The following CDH4 variants were observed in gnomAD, a reference collection of about 807,000 sequenced individuals.
CDH4 encodes cadherin-4.
CDH4 carries 33 observed loss-of-function variants against 86.0 expected under a neutral mutation model. The observed-to-expected ratio is 0.38, with a 90% CI of 0.29 to 0.51. The LOEUF (loss-of-function observed/expected upper bound fraction) is 0.51. Ranked by LOEUF, CDH4 falls within the 20% of genes least tolerant of loss-of-function variation. The pLI is 0.86. For synonymous variants in CDH4, 555 were observed against 549.4 expected (o/e 1.01, Z -0.14); for missense variants, 1,114 against 1,307.4 (o/e 0.85, Z 2.28).
rs201145739 is a variant in CDH4, at chr20:61,936,954, A to G, written c.*11A>G. On this transcript the variant is annotated 3_prime_UTR_variant, in exon 16 of 16. Coordinates refer to ENST00000614565, the MANE Select transcript of CDH4 (RefSeq NM_001794.5). The stretch of plus-strand genomic sequence containing the variant: ...GGTGAAGAGGATTGACTGACCTCGC[A>G]TCTTCGGACCGAAGTGAGAGCCGTG... The G allele has an allele frequency of 5.7e-4, 888 of 1,551,568 alleles. 6 individuals are homozygous for G. In the South Asian group the frequency reaches 7.7e-3, roughly 14 times the overall value.
At chr20:61,633,872 C>T (rs1252362897) in intron 2 of CDH4, among the ~76,000 whole-genome samples, 5 of 152,202 alleles carry the variant, frequency 3.3e-5, no homozygotes, top group Non-Finnish European at 5.9e-5. Context: ...GCTCTTTAAA[C>T]ACAGAGACAT....
chr20:61,526,284 G>A (rs988756432), intron 2 of CDH4, among the ~76,000 whole-genome samples: 2 of 152,064 alleles, frequency 1.3e-5, no homozygotes, highest in Non-Finnish European at 2.9e-5. Flanking sequence ...GTATGAGTCA[G>A]GATCCAAGGA....
rs141291111 is a variant in CDH4 at position 61,704,412 on chromosome 20, G to A, written c.170-39151G>A. ...TCAGGCAGCCTTGTGGGGCGCTCTC[G>A]TTAAAGCTGGAACCTGCTCTGGGTG... On this transcript the variant is annotated intron_variant, in intron 2 of 15. Transcript: ENST00000614565. 7.2e-4 allele frequency among the ~76,000 whole-genome samples: 109 copies of A among 152,294 alleles called. 2 individuals are homozygous for A. In the East Asian group the frequency reaches 0.019, roughly 26 times the overall value.
intron 6 of CDH4, among the ~76,000 whole-genome samples, chr20:61,869,848 G>A (rs929684446): frequency 1.3e-5 from 2 of 152,246 alleles, no homozygotes; most frequent in African/African-American, 4.8e-5. Flanking sequence ...TCCTTCAGGA[G>A]AGATCAGCTG....
At chr20:61,381,845 C>T (rs561412478) in intron 2 of CDH4, among the ~76,000 whole-genome samples, 1 of 152,226 alleles carries the variant, frequency 6.6e-6, no homozygotes, top group African/African-American at 2.4e-5. Context: ...AGAAGCTGGG[C>T]GGGTGGATCA....
rs536759252 is a variant in CDH4, at chr20:61,741,157, C to T, written c.170-2406C>T. ...CTGGGAGGCGGAGGTTGCAATGAGC[C>T]AAGACGGCACCACGGCACTCCAGCC... On this transcript the variant is annotated intron_variant, in intron 2 of 15. Transcript: ENST00000614565. Among the ~76,000 whole-genome samples the T allele has an allele frequency of 1.1e-4, 17 of 152,218 alleles. 1 individual carries two copies. The South Asian group carries it at 3.5e-3, about 32-fold the overall frequency.
intron 2 of CDH4, among the ~76,000 whole-genome samples, chr20:61,465,455 A>C (rs1234366327): frequency 6.6e-6 from 1 of 152,066 alleles, no homozygotes; most frequent in Non-Finnish European, 1.5e-5. Context: ...TACCCGTGAT[A>C]GTCAAGTTGT....
chr20:61,844,519 A>G (rs58706469), intron 4 of CDH4, 149 bp from the exon 5 acceptor site: 25,021 of 714,338 alleles, frequency 0.035, 825 homozygotes, highest in East Asian at 0.13. Context: ...TCCACTTCCC[A>G]AAGTGGATGA....
intron 4 of CDH4, among the ~76,000 whole-genome samples, chr20:61,797,545 C>T (rs1979596047): frequency 6.6e-6 from 1 of 152,190 alleles, no homozygotes; most frequent in Admixed American, 6.5e-5. Context: ...AATGCCAGTG[C>T]TTTGGGAGGC....
chr20:61,738,802 C>G (rs1328422239), intron 2 of CDH4: 1 of 152,378 alleles, frequency 6.6e-6, no homozygotes, highest in East Asian at 1.9e-4. Context: ...CGCTCCTCCT[C>G]TCACCACCTT....
At chr20:61,815,365 C>T (rs1473758393) in intron 4 of CDH4, among the ~76,000 whole-genome samples, 2 of 152,242 alleles carry the variant, frequency 1.3e-5, no homozygotes, top group Admixed American at 6.5e-5. Context: ...TTTGCCCAGG[C>T]TTAGTGGCCT....
chr20:61,743,720 A>G lies in CDH4; in HGVS notation c.327A>G (p.Thr109=). The change falls in exon 3 of 16, where the codon ACA becomes ACG. Residue 109 remains threonine (T), a synonymous_variant. Coordinates refer to ENST00000614565, the MANE Select transcript of CDH4 (RefSeq NM_001794.5). ...CGGTGACTGCATGGGACAGCCAGAC[A>G]GCAGAGAAATGGGACGCCGTGGTGC... ...AFTVTAWDSQ[T]AEKWDAVVRL... 1 of 1,611,494 alleles carries G rather than the reference A, an allele frequency of 6.2e-7. No individual in the cohort carries two copies. Among genetic ancestry groups the G allele is most frequent in the Non-Finnish European group, 8.5e-7 (1 of 1,179,150 alleles).
chr20:61,304,261 G>GTA (rs775974637), intron 2 of CDH4, among the ~76,000 whole-genome samples: 1 of 60,194 alleles, frequency 1.7e-5, no homozygotes, highest in Admixed American at 1.8e-4. Flanking sequence ...ATAGTGGACG[G>GTA]CACCCCCCCA....
At chr20:61,375,839 T>TCTTGGTGGTGGTGGC in intron 2 of CDH4, among the ~76,000 whole-genome samples, 1 of 151,376 alleles carries the variant, frequency 6.6e-6, no homozygotes, top group South Asian at 2.1e-4. Flanking sequence ...GTGGTGATGG[T>TCTTGGTGGTGGTGGC]GTGGTTTGTT....
chr20:61,701,928 G>A (rs376173859), intron 2 of CDH4, among the ~76,000 whole-genome samples: 15 of 152,218 alleles, frequency 9.9e-5, no homozygotes, highest in Admixed American at 2.6e-4. Flanking sequence ...GACTCAGGCC[G>A]AAGAGAAGTT....
chr20:61,763,581 GA>G (rs2088663848), intron 3 of CDH4, among the ~76,000 whole-genome samples: 1 of 152,206 alleles, frequency 6.6e-6, no homozygotes, highest in South Asian at 2.1e-4. Flanking sequence ...CTACCACAAG[GA>G]AATGTTACAA....
chr20:61,587,978 ATGTC>A (rs1194483995), intron 2 of CDH4, among the ~76,000 whole-genome samples: 1 of 152,186 alleles, frequency 6.6e-6, no homozygotes, highest in African/African-American at 2.4e-5. Context: ...GTGGCTAAAA[ATGTC>A]TGTAAAAGTG....
chr20:61,683,907 G>C (rs1254207210), intron 2 of CDH4, among the ~76,000 whole-genome samples: 1 of 152,238 alleles, frequency 6.6e-6, no homozygotes, highest in African/African-American at 2.4e-5. Flanking sequence ...AGCAGCCAGA[G>C]GGATGGGTGG....
At chr20:61,509,093 A>G (rs554056287) in intron 2 of CDH4, among the ~76,000 whole-genome samples, 2 of 152,028 alleles carry the variant, frequency 1.3e-5, no homozygotes, top group South Asian at 2.1e-4. Flanking sequence ...CAAACCCTAC[A>G]CCCCTGCAGA....
Sources: gnomAD v4.1 joint callset for allele counts (sites outside exome capture counted in the v4.1 genomes callset) on GRCh38, gnomAD v4.1.1 for gene constraint, MANE v1.5 for transcripts, NCBI Gene and HGNC (gene_info 2026-07-23, HGNC 2026-07-21) for gene names.